The following PRKN variants were observed in gnomAD, a reference collection of about 807,000 sequenced individuals.
The protein encoded by PRKN is E3 ubiquitin-protein ligase parkin.
PRKN carries 56 observed loss-of-function variants against 59.5 expected under a neutral mutation model. The observed-to-expected ratio is 0.94, with a 90% CI of 0.76 to 1.18. The LOEUF (loss-of-function observed/expected upper bound fraction) is 1.18, where lower values mean the gene tolerates loss of function less well. PRKN is among the 50% of genes most tolerant of loss of function. The pLI, the probability that PRKN is intolerant of heterozygous loss-of-function variation, is 0.00. For missense variants in PRKN, 657 were observed against 596.4 expected, an observed-to-expected ratio of 1.10 and a Z score of -1.06; for synonymous variants, 250 against 222.1, an observed-to-expected ratio of 1.13 and a Z score of -1.12.
At chr6:162,599,017 G>A (rs921747687) in intron 1 of PRKN, among the ~76,000 whole-genome samples, 2 of 152,116 alleles carry the variant, frequency 1.3e-5, no homozygotes, top group Admixed American at 1.3e-4. Flanking sequence ...TACTGAAAGA[G>A]CTTTGCAAGT....
rs1787336027 is a variant in PRKN at position 161,407,562 on chromosome 6, C to T, written c.1084-20685G>A. Among the ~76,000 whole-genome samples, 1 of 152,140 alleles carries T rather than the reference C, an allele frequency of 6.6e-6. No homozygotes were observed. Among genetic ancestry groups the T allele is most frequent in the Non-Finnish European group, 1.5e-5 (1 of 68,020 alleles). ...TCCTGATTTCAGAAATGTTAAAATA[C>T]ACAAAAAGGTACTTCTTAGAGTTGA... On this transcript the variant is annotated intron_variant, in intron 9 of 11. Coordinates refer to ENST00000366898, the MANE Select transcript of PRKN (RefSeq NM_004562.3). This position sits in a 1 kb window ranked among gnomAD's most constrained non-coding sequence, Gnocchi z 4.9.
chr6:161,670,316 C>T (rs1784862891), intron 7 of PRKN, among the ~76,000 whole-genome samples: 1 of 152,102 alleles, frequency 6.6e-6, no homozygotes, highest in Non-Finnish European at 1.5e-5. Flanking sequence ...GAAACGCATC[C>T]TCTCGCAGTT....
At chr6:161,708,785 A>G (rs1436616638) in intron 7 of PRKN, among the ~76,000 whole-genome samples, 1 of 152,210 alleles carries the variant, frequency 6.6e-6, no homozygotes, top group Non-Finnish European at 1.5e-5. Flanking sequence ...GGTTGCCTGT[A>G]AGCAGTGGAG....
rs1384950188 is a variant in PRKN, at chr6:161,470,692, C to G, written c.1083+78162G>C. On this transcript the variant is annotated intron_variant, in intron 9 of 11. Coordinates refer to ENST00000366898, the MANE Select transcript of PRKN (RefSeq NM_004562.3). The surrounding 1 kb of genome is among the most constrained non-coding windows in gnomAD (Gnocchi z 5.1). ...GCCCCAGAATTCCCTGCCCAAATGGCCTGGGCTTGATTCAGGGCTTGTGTA... is the reference window on the plus strand; with the variant it reads ...GCCCCAGAATTCCCTGCCCAAATGGGCTGGGCTTGATTCAGGGCTTGTGTA... 1.3e-5 allele frequency among the ~76,000 whole-genome samples: 2 copies of G among 152,232 alleles called. No homozygotes were observed. Among genetic ancestry groups the G allele is most frequent in the Non-Finnish European group, 2.9e-5 (2 of 68,052 alleles).
intron 7 of PRKN, among the ~76,000 whole-genome samples, chr6:161,577,183 G>A (rs745975704): frequency 1.3e-4 from 20 of 152,174 alleles, no homozygotes; most frequent in Non-Finnish European, 2.2e-4. Flanking sequence ...TGTTATGCAT[G>A]TAATTCATTT....
At chr6:162,315,619 A>C (rs1187965746) in intron 2 of PRKN, among the ~76,000 whole-genome samples, 1 of 152,202 alleles carries the variant, frequency 6.6e-6, no homozygotes, top group Non-Finnish European at 1.5e-5. Flanking sequence ...TGTTAATACC[A>C]GATTTACTTC....
chr6:162,528,394 G>A (rs1470116157), intron 1 of PRKN, among the ~76,000 whole-genome samples: 1 of 151,356 alleles, frequency 6.6e-6, no homozygotes, highest in Non-Finnish European at 1.5e-5. Context: ...AGTTATAATA[G>A]AAGAGCAAAG....
intron 6 of PRKN, among the ~76,000 whole-genome samples, chr6:161,821,716 G>A (rs888156799): frequency 1.5e-4 from 11 of 72,570 alleles, no homozygotes; most frequent in African/African-American, 5.1e-4. Flanking sequence ...TTCCACTGGT[G>A]TTCTTTTTTT....
chr6:162,020,334 A>T (rs902041134), intron 5 of PRKN, among the ~76,000 whole-genome samples: 2 of 85,484 alleles, frequency 2.3e-5, no homozygotes, highest in Non-Finnish European at 4.8e-5. Flanking sequence ...CAATGAATCA[A>T]AAAAAAAAAA....
At chr6:162,655,688 C>G (rs147959451) in intron 1 of PRKN, among the ~76,000 whole-genome samples, 4 of 152,252 alleles carry the variant, frequency 2.6e-5, no homozygotes, top group African/African-American at 9.6e-5. Context: ...AGGTCTTTGG[C>G]ACTGTGAGAT....
At chr6:161,999,400 C>T (rs1260409392) in intron 5 of PRKN, among the ~76,000 whole-genome samples, 1 of 152,002 alleles carries the variant, frequency 6.6e-6, no homozygotes, top group Admixed American at 6.6e-5. Flanking sequence ...AGTGACTGTC[C>T]CTACCTCGGA....
chr6:161,464,146 C>T (rs1790336613), intron 9 of PRKN, among the ~76,000 whole-genome samples: 1 of 152,140 alleles, frequency 6.6e-6, no homozygotes, highest in South Asian at 2.1e-4. Flanking sequence ...TCCTTAGTAG[C>T]TGGGATTACA....
intron 2 of PRKN, among the ~76,000 whole-genome samples, chr6:162,287,676 T>C (rs1042838125): frequency 6.6e-6 from 1 of 152,208 alleles, no homozygotes; most frequent in Admixed American, 6.5e-5. Flanking sequence ...TTGTGATTCA[T>C]ATTATTTACC....
chr6:162,556,364 T>TGTGTGTGTGTGCGTGTGC (rs1554243418), intron 1 of PRKN, among the ~76,000 whole-genome samples: 1 of 91,172 alleles, frequency 1.1e-5, no homozygotes, highest in African/African-American at 3.2e-5. Flanking sequence ...TGTGTGTGTG[T>TGTGTGTGTGTGCGTGTGC]GTGTGTGTGT....
chr6:162,555,445 G>A (rs975353640), intron 1 of PRKN, among the ~76,000 whole-genome samples: 2 of 152,026 alleles, frequency 1.3e-5, no homozygotes, highest in African/African-American at 4.8e-5. Context: ...AATCCATTGG[G>A]TAAAGAAAAA....
chr6:162,385,747 T>C (rs1786768309), intron 2 of PRKN, among the ~76,000 whole-genome samples: 1 of 152,026 alleles, frequency 6.6e-6, no homozygotes, highest in South Asian at 2.1e-4. Flanking sequence ...CCCTGACTTT[T>C]TGGTCCTTCA....
intron 3 of PRKN, among the ~76,000 whole-genome samples, chr6:162,221,543 C>A (rs901362276): frequency 6.6e-6 from 1 of 152,142 alleles, no homozygotes; most frequent in Non-Finnish European, 1.5e-5. Context: ...TGAACATTCC[C>A]ATTGATGCCA....
At chr6:161,906,413 G>A in intron 6 of PRKN, among the ~76,000 whole-genome samples, 1 of 152,060 alleles carries the variant, frequency 6.6e-6, no homozygotes, top group Non-Finnish European at 1.5e-5. Context: ...TCAGAGGGCT[G>A]ACAGCAAGCT....
intron 1 of PRKN, among the ~76,000 whole-genome samples, chr6:162,515,783 C>T (rs1467028984): frequency 6.6e-6 from 1 of 152,052 alleles, no homozygotes; most frequent in Non-Finnish European, 1.5e-5. Context: ...AATAAACAAA[C>T]TCTCTGGGAG....
Sources: gnomAD v4.1 joint callset for allele counts (sites outside exome capture counted in the v4.1 genomes callset) on GRCh38, gnomAD v4.1.1 for gene constraint, Gnocchi (gnomAD v3.1) non-coding constraint, MANE v1.5 for transcripts, NCBI Gene and HGNC (gene_info 2026-07-23, HGNC 2026-07-21) for gene names.